EVI5L: variants seen among roughly 807,000 people sequenced by gnomAD.
EVI5L encodes the protein EVI5-like protein.
EVI5L carries 30 observed loss-of-function variants against 106.1 expected under a neutral mutation model. The ratio of observed to expected loss-of-function variants is 0.28; its 90% CI spans 0.21 to 0.38. The LOEUF (loss-of-function observed/expected upper bound fraction) is 0.38, where lower values mean the gene tolerates loss of function less well. Among genes scored for constraint, EVI5L ranks in the 10% least tolerant of loss-of-function variants. EVI5L has a pLI of 1.00. For synonymous variants in EVI5L, 489 were observed against 483.3 expected (o/e 1.01, Z -0.15); for missense variants, 809 against 1,098.0 (o/e 0.74, Z 3.72).
At position 7,863,356 on chromosome 19, in the gene EVI5L, G is replaced by A; in HGVS notation, c.2140-68G>A. The A allele has an allele frequency of 6.5e-7, 1 of 1,542,370 alleles. No homozygotes were observed. The highest frequency in any genetic ancestry group is 1.2e-5 in the South Asian group (1 of 83,636). On this transcript the variant is annotated intron_variant, in intron 19 of 19. Coordinates refer to ENST00000538904, the MANE Select transcript of EVI5L (RefSeq NM_001159944.3). This position sits in a 1 kb window ranked among gnomAD's most constrained non-coding sequence, Gnocchi z 7.7. Reference sequence around the variant, plus strand: ...GACGAGCCGAGCGCAGGTGCCTTGCGGAGGATGCGGCTGGGAGGGCGGGGC... The same window carrying A: ...GACGAGCCGAGCGCAGGTGCCTTGCAGAGGATGCGGCTGGGAGGGCGGGGC...
chr19:7,844,121 G>A (rs2146420502), intron 1 of EVI5L, among the ~76,000 whole-genome samples: 1 of 151,836 alleles, frequency 6.6e-6, no homozygotes, highest in East Asian at 1.9e-4. Flanking sequence ...GGGAGGCCGA[G>A]GCAGATGGAT....
chr19:7,848,970 A>T lies in EVI5L; in HGVS notation c.377A>T (p.Gln126Leu). ...CACCACTTCCGGGCCATCGTGTGGC[A>T]GCTTCTGTGCAGCGCCACGGACATG... is the stretch of plus-strand genomic sequence containing the variant. ...IPHHFRAIVW[Q>L]LLCSATDMPV... is the part of the protein sequence containing the mutation. Residue 126 changes from glutamine to leucine, a missense_variant, in exon 4 of 20, where the codon CAG (glutamine) becomes CTG (leucine). Physicochemically the swap from Gln to Leu is moderately radical, Grantham distance 113. Around this residue, in one of 2 missense-constraint regions of EVI5L, gnomAD observed 357 missense variants for 588.1 expected, o/e 0.61. Transcript: ENST00000538904. This position sits in a 1 kb window ranked among gnomAD's most constrained non-coding sequence, Gnocchi z 4.8. 1 of 1,613,324 alleles carries T rather than the reference A, an allele frequency of 6.2e-7. No individual in the cohort carries two copies. The highest frequency in any genetic ancestry group is 1.1e-5 in the South Asian group (1 of 91,082).
chr19:7,845,183 C>T lies in EVI5L; in HGVS notation c.-47-1313C>T, dbSNP rs1204330157. Among the ~76,000 whole-genome samples the T allele has an allele frequency of 1.3e-5, 2 of 152,146 alleles. No homozygotes were observed. Among genetic ancestry groups the T allele is most frequent in the Non-Finnish European group, 2.9e-5 (2 of 68,012 alleles). ...GACTCCTGCTACAGAGCGTGCCGGG[C>T]AGTGGGCGGGCATGAGGAGCCGTGC... On this transcript the variant is annotated intron_variant, in intron 1 of 19. Coordinates refer to ENST00000538904, the MANE Select transcript of EVI5L (RefSeq NM_001159944.3). This position sits in a 1 kb window ranked among gnomAD's most constrained non-coding sequence, Gnocchi z 4.0.
chr19:7,861,012 C>T (rs1979775910), intron 14 of EVI5L, among the ~76,000 whole-genome samples: 2 of 151,998 alleles, frequency 1.3e-5, no homozygotes, highest in South Asian at 2.1e-4. Context: ...GAAAGGAAGG[C>T]CCAGGCCCAT....
At chr19:7,854,804 C>T (rs768134944) in intron 10 of EVI5L, among the ~76,000 whole-genome samples, 17 of 152,136 alleles carry the variant, frequency 1.1e-4, no homozygotes, top group Non-Finnish European at 2.2e-4. Flanking sequence ...ATGCCCTGCC[C>T]CACTCTGACT....
intron 14 of EVI5L, among the ~76,000 whole-genome samples, 159 bp from the exon 15 acceptor site, chr19:7,861,719 G>A (rs1278496406): frequency 6.6e-6 from 1 of 152,162 alleles, no homozygotes; most frequent in Admixed American, 6.5e-5. Flanking sequence ...TTCCACAGGC[G>A]AGTCCGCTCC....
At chr19:7,849,166 C>T (rs1412038755) in intron 4 of EVI5L, 21 bp downstream of exon 4, 1 of 1,611,970 alleles carries the variant, frequency 6.2e-7, no homozygotes, top group Non-Finnish European at 8.5e-7. Context: ...GGGCTCCCCG[C>T]TCCCTCGGTC....
intron 13 of EVI5L, chr19:7,859,064 A>G (rs1979671504): frequency 6.6e-6 from 1 of 151,890 alleles, no homozygotes; most frequent in Non-Finnish European, 1.5e-5. Context: ...GGTGGTGCGC[A>G]CCTGTAGTCC....
At chr19:7,853,733 G>T in intron 10 of EVI5L, 1 of 264,778 alleles carries the variant, frequency 3.8e-6, no homozygotes. Flanking sequence ...AGCGTGCCTT[G>T]GGGGCTGGAG....
At chr19:7,859,604 T>C (rs1979702069) in intron 13 of EVI5L, among the ~76,000 whole-genome samples, 1 of 152,244 alleles carries the variant, frequency 6.6e-6, no homozygotes, top group South Asian at 2.1e-4. Context: ...TGAGCACTCT[T>C]GTCCCACCTT....
At chr19:7,832,931 G>C in intron 1 of EVI5L, among the ~76,000 whole-genome samples, 1 of 152,190 alleles carries the variant, frequency 6.6e-6, no homozygotes. Context: ...ACTTGCTGAA[G>C]GAAGGCGTGG....
intron 2 of EVI5L, among the ~76,000 whole-genome samples, chr19:7,846,920 G>T (rs958168792): frequency 6.6e-6 from 1 of 152,314 alleles, no homozygotes; most frequent in East Asian, 1.9e-4. Context: ...CTGTGAATCC[G>T]CCGCGGTTAA....
chr19:7,858,340 G>A lies in EVI5L; in HGVS notation c.1374+9G>A, dbSNP rs375524446. Reference sequence around the variant, plus strand: ...AGCTACAGGAGCAGCAGGTAGGGGCGGGTGTGCGGGGCTGCTGGGCGGGGC... The same window carrying A: ...AGCTACAGGAGCAGCAGGTAGGGGCAGGTGTGCGGGGCTGCTGGGCGGGGC... On this transcript the variant is annotated intron_variant, in intron 13 of 19. Coordinates refer to ENST00000538904, the MANE Select transcript of EVI5L (RefSeq NM_001159944.3). The surrounding 1 kb of genome is among the most constrained non-coding windows in gnomAD (Gnocchi z 5.7). 8.4e-6 allele frequency: 13 copies of A among 1,542,364 alleles called. No individual in the cohort carries two copies. Among genetic ancestry groups the A allele is most frequent in the Non-Finnish European group, 1.0e-5 (12 of 1,145,952 alleles).
At position 7,862,479 on chromosome 19, in the gene EVI5L, G is replaced by T; in HGVS notation, c.1892G>T (p.Gly631Val). 20 of 1,594,188 alleles carry T rather than the reference G, an allele frequency of 1.3e-5. No individual in the cohort carries two copies. Among genetic ancestry groups the T allele is most frequent in the Non-Finnish European group, 1.7e-5 (20 of 1,171,160 alleles). Reference sequence around the variant, plus strand: ...CAGTACCTGGCTGCACAGAACAAGGGGCTGCAGACGCAGCTCAGCGAAAGC... The same window carrying T: ...CAGTACCTGGCTGCACAGAACAAGGTGCTGCAGACGCAGCTCAGCGAAAGC... The part of the protein sequence containing the change: ...KLQYLAAQNK[G>V]LQTQLSESRR... Residue 631 changes from glycine (G) to valine (V), a missense_variant, in exon 17 of 20, where the codon GGG (glycine) becomes GTG (valine). Around this residue, in one of 2 missense-constraint regions of EVI5L, gnomAD observed 452 missense variants for 509.9 expected, o/e 0.89. Coordinates refer to ENST00000538904, the MANE Select transcript of EVI5L (RefSeq NM_001159944.3).
Position 7,846,645 on chromosome 19 carries a change from C to T in EVI5L, c.103C>T (p.Leu35=). 2 of 1,613,534 alleles carry T rather than the reference C, an allele frequency of 1.2e-6. No homozygotes were observed. Among genetic ancestry groups the T allele is most frequent in the South Asian group, 2.2e-5 (2 of 91,010 alleles). The part of the protein sequence containing the change: ...SDSENLSPDE[L]ELLAKLEEQN... Reference sequence around the variant, plus strand: ...CTCCGAGAACCTCAGCCCCGATGAGCTGGAGCTGCTGGCCAAGCTCGAAGA... The same window carrying T: ...CTCCGAGAACCTCAGCCCCGATGAGTTGGAGCTGCTGGCCAAGCTCGAAGA... Residue 35 remains leucine, a synonymous_variant, in exon 2 of 20, where the codon CTG becomes TTG. Coordinates refer to ENST00000538904, the MANE Select transcript of EVI5L (RefSeq NM_001159944.3).
Position 7,863,134 on chromosome 19 carries a change from A to C in EVI5L, c.2044-51A>C, listed in dbSNP as rs1446212380. 1 of 1,536,224 alleles carries C rather than the reference A, an allele frequency of 6.5e-7. No homozygotes were observed. The highest frequency in any genetic ancestry group is 8.8e-7 in the Non-Finnish European group (1 of 1,140,858). ...GGGCCCGGGGCAGGAGCGGGGCCGGACCCCAGGCCCAGCATGGCACTGGCC... is the reference window on the plus strand; with the variant it reads ...GGGCCCGGGGCAGGAGCGGGGCCGGCCCCCAGGCCCAGCATGGCACTGGCC... On this transcript the variant is annotated intron_variant, in intron 18 of 19. Coordinates refer to ENST00000538904, the MANE Select transcript of EVI5L (RefSeq NM_001159944.3). The surrounding 1 kb of genome is among the most constrained non-coding windows in gnomAD (Gnocchi z 7.7).
rs1306455665 is a variant in EVI5L at position 7,863,538 on chromosome 19, G to C, written c.2254G>C (p.Gly752Arg). 6.3e-7 allele frequency: 1 copy of C among 1,599,150 alleles called. No individual in the cohort carries two copies. Among genetic ancestry groups the C allele is most frequent in the Non-Finnish European group, 8.5e-7 (1 of 1,173,914 alleles). The change falls in exon 20 of 20, where the codon GGC (glycine) becomes CGC (arginine). Residue 752 changes from glycine to arginine, a missense_variant. By Grantham distance (125) the Gly-to-Arg change is moderately radical. Coordinates refer to ENST00000538904, the MANE Select transcript of EVI5L (RefSeq NM_001159944.3). The surrounding 1 kb of genome is among the most constrained non-coding windows in gnomAD (Gnocchi z 7.7). ...GCCGTCGTCGGACGAGGAGCTACTT[G>C]GCGTAGGCGTGGGCGCTGCCCTGCA... ...SLPSSDEELLGVGVGAALQDA... is the reference protein window; with the variant it reads ...SLPSSDEELLRVGVGAALQDA...
chr19:7,856,921 C>T lies in EVI5L; in HGVS notation c.1201-171C>T. On this transcript the variant is annotated intron_variant, in intron 11 of 19. Transcript: ENST00000538904. The surrounding 1 kb of genome is among the most constrained non-coding windows in gnomAD (Gnocchi z 6.6). ...CGGAGCTGGCTCTAGCTTTGGTCTT[C>T]CTCCGGGTCCTCTCCTGCTGGTTCT... 1 of 752,666 alleles carries T rather than the reference C, an allele frequency of 1.3e-6. No homozygotes were observed. The highest frequency in any genetic ancestry group is 2.3e-6 in the Non-Finnish European group (1 of 429,802). 46.6% of individuals were successfully genotyped at this position (752,666 alleles called of 1,614,324 possible).
chr19:7,854,975 C>T (rs1979449994), intron 10 of EVI5L, among the ~76,000 whole-genome samples: 1 of 152,208 alleles, frequency 6.6e-6, no homozygotes, highest in African/African-American at 2.4e-5. Context: ...GGCCCTCACT[C>T]ACCTGCCAAT....
Sources: gnomAD v4.1 joint callset for allele counts (sites outside exome capture counted in the v4.1 genomes callset) on GRCh38, gnomAD v4.1.1 for gene constraint, gnomAD v4.1.1 regional missense constraint, Gnocchi (gnomAD v3.1) non-coding constraint, MANE v1.5 for transcripts, NCBI Gene and HGNC (gene_info 2026-07-23, HGNC 2026-07-21) for gene names.